Variants in POLQ observed in about 807,000 individuals in gnomAD.
POLQ encodes epididymis secretory sperm binding protein.
A neutral mutation model predicts 259.2 loss-of-function variants in POLQ; 233 were observed. That is an observed-to-expected ratio of 0.90 (90% CI 0.81 to 1.00). POLQ has a LOEUF of 1.00. POLQ is among the 50% of genes least tolerant of loss of function. The pLI is 0.00. For synonymous variants in POLQ, 1,025 were observed against 1,048.8 expected (o/e 0.98, Z 0.44); for missense variants, 2,871 against 3,051.6 (o/e 0.94, Z 1.39).
At chr3:121,492,027 C>G (rs564313723) in intron 15 of POLQ, among the ~76,000 whole-genome samples, 8 of 152,110 alleles carry the variant, frequency 5.3e-5, no homozygotes, top group Non-Finnish European at 7.4e-5. Context: ...CCACCACCCC[C>G]CTACCCCCAC....
At position 121,490,298 on chromosome 3, in the gene POLQ, A is replaced by G. The variant is rs771017454; in HGVS notation, c.2633T>C (p.Leu878Pro). Residue 878 changes from leucine to proline, a missense_variant, in exon 16 of 30, where the codon CTT becomes CCT. Transcript: ENST00000264233. Reference sequence around the variant, plus strand: ...AATCATTCTGGCTTCTTCCACTATAAGGGCTGCTGCTTCCCTTTCAGTTAA... The same window carrying G: ...AATCATTCTGGCTTCTTCCACTATAGGGGCTGCTGCTTCCCTTTCAGTTAA... ...KGLTEREAAA[L>P]IVEEARMILQ... The G allele has an allele frequency of 9.9e-6, 16 of 1,614,072 alleles. No individual in the cohort carries two copies. The Middle Eastern group carries it at 4.9e-4, about 50-fold the overall frequency.
At position 121,488,776 on chromosome 3, in the gene POLQ, A is replaced by G. The variant is rs1560097328; in HGVS notation, c.4155T>C (p.Thr1385=). The G allele has an allele frequency of 6.2e-7, 1 of 1,613,952 alleles. No individual in the cohort carries two copies. Among genetic ancestry groups the G allele is most frequent in the Non-Finnish European group, 8.5e-7 (1 of 1,179,914 alleles). The change falls in exon 16 of 30, where the codon ACT becomes ACC. Residue 1385 remains threonine (T), a synonymous_variant. Transcript: ENST00000264233. ...TCTTAAGGTCCAAATGATCTATCTT[A>G]GTCGCTCCTAGAGGGTGCTGTTCAG... ...FPAEQHPLGA[T]KIDHLDLKTV...
chr3:121,435,692 T>C (rs1444586481), intron 28 of POLQ, among the ~76,000 whole-genome samples: 3 of 152,204 alleles, frequency 2.0e-5, no homozygotes, highest in Non-Finnish European at 4.4e-5. Flanking sequence ...TTACAGGACA[T>C]GTGATATTAC....
Position 121,460,108 on chromosome 3 carries a change from T to G in POLQ, c.7094A>C (p.Glu2365Ala). Reference protein sequence around the residue: ...GADVFRSIAAEWKMIEPESVG... With the variant: ...GADVFRSIAAAWKMIEPESVG... ...AGACTCTGGCTCAATCATCTTCCAC[T>G]CTGCTGCAATGCTCCTGAAAACATC... is the stretch of plus-strand genomic sequence containing the variant. The change falls in exon 25 of 30, where the codon GAG becomes GCG. Residue 2365 changes from glutamate (E) to alanine (A), a missense_variant. Coordinates refer to ENST00000264233, the MANE Select transcript of POLQ (RefSeq NM_199420.4). 1 of 1,614,100 alleles carries G rather than the reference T, an allele frequency of 6.2e-7. No homozygotes were observed. The highest frequency in any genetic ancestry group is 2.2e-5 in the East Asian group (1 of 44,884).
chr3:121,486,121 T>C (rs954357879), intron 16 of POLQ, among the ~76,000 whole-genome samples: 3 of 152,230 alleles, frequency 2.0e-5, no homozygotes, highest in African/African-American at 7.2e-5. Context: ...AATTCATGAC[T>C]ATCATGGAGG....
At chr3:121,525,578 T>C (rs2048367732) in intron 7 of POLQ, among the ~76,000 whole-genome samples, 1 of 152,154 alleles carries the variant, frequency 6.6e-6, no homozygotes, top group Non-Finnish European at 1.5e-5. Context: ...CTGTTTTTGC[T>C]TTTTCATTCT....
At position 121,432,298 on chromosome 3, in the gene POLQ, GCA is replaced by G. The variant is rs2047500424; in HGVS notation, c.*4_*5del. On this transcript the variant is annotated 3_prime_UTR_variant, in exon 30 of 30. Coordinates refer to ENST00000264233, the MANE Select transcript of POLQ (RefSeq NM_199420.4). ...CTTCCCTGGGAGGACTTCATCAACAGCACAGTTACACATCAAAGTCCTTTAGC... is the reference window on the plus strand; with the variant it reads ...CTTCCCTGGGAGGACTTCATCAACAGCAGTTACACATCAAAGTCCTTTAGC... The G allele has an allele frequency of 1.3e-6, 2 of 1,588,422 alleles. No homozygotes were observed. Among genetic ancestry groups the G allele is most frequent in the Non-Finnish European group, 8.5e-7 (1 of 1,169,952 alleles).
intron 24 of POLQ, among the ~76,000 whole-genome samples, chr3:121,463,750 T>C (rs147717724): frequency 1.1e-3 from 162 of 152,324 alleles, no homozygotes; most frequent in African/African-American, 3.8e-3. Flanking sequence ...TGCTCTAGCT[T>C]TGTCATTAAA....
At chr3:121,452,272 T>C (rs1045478930) in intron 25 of POLQ, among the ~76,000 whole-genome samples, 5 of 152,046 alleles carry the variant, frequency 3.3e-5, no homozygotes, top group Admixed American at 6.6e-5. Flanking sequence ...CGGCTCACGC[T>C]CGGTGGGCTG....
At chr3:121,493,761 T>G in intron 14 of POLQ, 40 bp from the exon 15 acceptor site, 1 of 1,559,554 alleles carries the variant, frequency 6.4e-7, no homozygotes, top group Non-Finnish European at 8.8e-7. Flanking sequence ...TCAATTTTTT[T>G]TACAGACGAA....
intron 17 of POLQ, among the ~76,000 whole-genome samples, 179 bp from the exon 18 acceptor site, chr3:121,483,761 C>A (rs1055645911): frequency 6.6e-6 from 1 of 152,014 alleles, no homozygotes; most frequent in Admixed American, 6.6e-5. Context: ...AGATGAAGTG[C>A]ATCATATATC....
At chr3:121,455,168 T>C (rs1396220733) in intron 25 of POLQ, among the ~76,000 whole-genome samples, 2 of 149,176 alleles carry the variant, frequency 1.3e-5, no homozygotes, top group African/African-American at 2.5e-5. Flanking sequence ...GAAATAAAGA[T>C]GTTCTTTGAA....
intron 19 of POLQ, among the ~76,000 whole-genome samples, chr3:121,479,316 A>C (rs1014790945): frequency 1.3e-5 from 2 of 151,068 alleles, no homozygotes; most frequent in Non-Finnish European, 2.9e-5. Context: ...GTTTGAGACC[A>C]GCCTGGGCAA....
intron 7 of POLQ, among the ~76,000 whole-genome samples, chr3:121,522,783 A>C (rs996725412): frequency 6.6e-6 from 1 of 152,190 alleles, no homozygotes; most frequent in Non-Finnish European, 1.5e-5. Flanking sequence ...GGAGGGGATC[A>C]AAGGAACCTG....
At chr3:121,537,274 C>T (rs1012810151) in intron 4 of POLQ, 66 bp from the exon 5 acceptor site, 8 of 873,308 alleles carry the variant, frequency 9.2e-6, no homozygotes, top group East Asian at 2.4e-5. Flanking sequence ...TTTTTTCCAA[C>T]CTTTATTTCA....
intron 12 of POLQ, among the ~76,000 whole-genome samples, chr3:121,499,303 A>G (rs1340768277): frequency 2.1e-5 from 3 of 145,154 alleles, no homozygotes; most frequent in African/African-American, 5.1e-5. Flanking sequence ...GTCTTGTTCT[A>G]TCATCCAGGC....
intron 5 of POLQ, among the ~76,000 whole-genome samples, chr3:121,535,174 A>C (rs541541418): frequency 2.6e-5 from 4 of 152,358 alleles, no homozygotes; most frequent in African/African-American, 9.6e-5. Context: ...ACTGAAAAGA[A>C]TCTATTGAGT....
intron 5 of POLQ, among the ~76,000 whole-genome samples, chr3:121,535,962 G>A (rs535761217): frequency 2.6e-5 from 4 of 152,140 alleles, no homozygotes; most frequent in African/African-American, 9.6e-5. Context: ...CAACTTGAAG[G>A]GCTTCAGGAA....
At position 121,493,404 on chromosome 3, in the gene POLQ, A is replaced by C. The variant is rs148187707; in HGVS notation, c.2522+74T>G. On this transcript the variant is annotated intron_variant, in intron 15 of 29. Coordinates refer to ENST00000264233, the MANE Select transcript of POLQ (RefSeq NM_199420.4). ...TATTTAAGAGAAAAATAACTTTAAT[A>C]CATTATCTATTATTTTAAAATTGAC... The C allele has an allele frequency of 4.3e-4, 477 of 1,121,198 alleles. 6 individuals are homozygous for C. The East Asian group carries it at 0.011, about 26-fold the overall frequency. The allele number at this position is 1,121,198 out of a possible 1,614,324, so 69.5% of individuals were successfully genotyped here. A position where few individuals can be genotyped will look rare whatever the true frequency, so the allele number is the denominator to read the frequency against.
Sources: allele counts gnomAD v4.1 joint callset (sites outside exome capture counted in the v4.1 genomes callset), GRCh38; gene constraint gnomAD v4.1.1; transcripts MANE v1.5; gene names NCBI Gene and HGNC (gene_info 2026-07-23, HGNC 2026-07-21).